Variants in LYPD6B observed in about 807,000 individuals in gnomAD.
LYPD6B encodes ly6/PLAUR domain-containing protein 6B.
A neutral mutation model predicts 22.8 loss-of-function variants in LYPD6B; 17 were observed. The observed-to-expected ratio is 0.75, with a 90% CI of 0.51 to 1.12. LYPD6B has a LOEUF of 1.12. LYPD6B is among the 50% of genes most tolerant of loss of function. LYPD6B has a pLI of 0.00. For synonymous variants in LYPD6B, 106 were observed against 91.6 expected (o/e 1.16, Z -0.90); for missense variants, 221 against 258.3 (o/e 0.86, Z 0.99).
chr2:149,087,028 C>T lies in LYPD6B; in HGVS notation c.-66-43855C>T, dbSNP rs186622363. ...AGGTATTTTTTTTTTTAAAAAAACC[C>T]TATCTCCAAATACAGTTATATTCTG... On this transcript the variant is annotated intron_variant, in intron 1 of 6. Transcript: ENST00000409642. Among the ~76,000 whole-genome samples, 442 of 151,996 alleles carry T rather than the reference C, an allele frequency of 2.9e-3. 2 individuals carry two copies. Among genetic ancestry groups the T allele is most frequent in the African/African-American group, 0.01 (427 of 41,450 alleles).
intron 1 of LYPD6B, among the ~76,000 whole-genome samples, chr2:149,040,609 T>A (rs1234053834): frequency 2.6e-5 from 4 of 152,138 alleles, no homozygotes; most frequent in African/African-American, 9.7e-5. Context: ...ACAACAGGAA[T>A]GGGCACATGA....
chr2:149,053,727 A>G (rs1040050219), intron 1 of LYPD6B, among the ~76,000 whole-genome samples: 3 of 152,080 alleles, frequency 2.0e-5, no homozygotes, highest in Admixed American at 6.5e-5. Flanking sequence ...CCCATTAACA[A>G]TTGCTTCCTG....
At chr2:149,147,390 T>C (rs1575063428) in intron 2 of LYPD6B, among the ~76,000 whole-genome samples, 1 of 152,228 alleles carries the variant, frequency 6.6e-6, no homozygotes. Context: ...TTGAAAAGCT[T>C]TGAAAGGAAT....
chr2:149,200,072 A>G (rs1372449423), intron 3 of LYPD6B, among the ~76,000 whole-genome samples: 1 of 152,100 alleles, frequency 6.6e-6, no homozygotes, highest in Non-Finnish European at 1.5e-5. Flanking sequence ...TTGAATTTCC[A>G]CTTTGCCTTC....
chr2:149,186,466 T>A (rs1290013074), intron 3 of LYPD6B, among the ~76,000 whole-genome samples: 1 of 152,072 alleles, frequency 6.6e-6, no homozygotes, highest in Non-Finnish European at 1.5e-5. Context: ...TTCATGAGGA[T>A]GAAGGAAAGA....
Position 149,212,888 on chromosome 2 carries a change from G to A in LYPD6B, c.329-104G>A, listed in dbSNP as rs573300295. 22 of 1,200,238 alleles carry A rather than the reference G, an allele frequency of 1.8e-5. 2 individuals carry two copies. The South Asian group carries it at 3.4e-4, about 19-fold the overall frequency. The allele number at this position is 1,200,238 out of a possible 1,614,324, so 74.3% of individuals were successfully genotyped here. On this transcript the variant is annotated intron_variant, in intron 5 of 6. Coordinates refer to ENST00000409642, the MANE Select transcript of LYPD6B (RefSeq NM_177964.5). ...TGCCTAAAAACCCCAGGACTGGCCTGAATTTGAGTCCTTTCTGCATTAATT... is the reference window on the plus strand; with the variant it reads ...TGCCTAAAAACCCCAGGACTGGCCTAAATTTGAGTCCTTTCTGCATTAATT...
chr2:149,107,444 G>A (rs1376632059), intron 1 of LYPD6B, among the ~76,000 whole-genome samples: 1 of 152,122 alleles, frequency 6.6e-6, no homozygotes, highest in East Asian at 1.9e-4. Flanking sequence ...AGTTGACCAC[G>A]AGTAACTGAA....
chr2:149,087,334 A>T (rs1477038893), intron 1 of LYPD6B, among the ~76,000 whole-genome samples: 1 of 152,152 alleles, frequency 6.6e-6, no homozygotes, highest in Non-Finnish European at 1.5e-5. Flanking sequence ...AAAATACCTC[A>T]TGCTCTCCTT....
chr2:149,103,720 G>A (rs1387236843), intron 1 of LYPD6B, among the ~76,000 whole-genome samples: 1 of 148,866 alleles, frequency 6.7e-6, no homozygotes, highest in African/African-American at 2.5e-5. Context: ...ATTTTGTCTG[G>A]CTTCTTTCAC....
At chr2:149,126,489 A>G (rs941358825) in intron 1 of LYPD6B, among the ~76,000 whole-genome samples, 1 of 152,208 alleles carries the variant, frequency 6.6e-6, no homozygotes, top group Non-Finnish European at 1.5e-5. Context: ...ATCATAAGGA[A>G]GAGAAAATAT....
rs575956366 is a variant in LYPD6B at position 149,202,679 on chromosome 2, G to A, written c.78-2574G>A. ...GTCAAGACCTTGTTGGGGAGTCAGCGATAACAATAACTTGTTATTTATTAG... is the reference window on the plus strand; with the variant it reads ...GTCAAGACCTTGTTGGGGAGTCAGCAATAACAATAACTTGTTATTTATTAG... On this transcript the variant is annotated intron_variant, in intron 3 of 6. Transcript: ENST00000409642. 1.1e-4 allele frequency among the ~76,000 whole-genome samples: 16 copies of A among 152,258 alleles called. 1 individual carries two copies. Among genetic ancestry groups the A allele is most frequent in the African/African-American group, 3.9e-4 (16 of 41,556 alleles).
chr2:149,125,582 C>A (rs565179832), intron 1 of LYPD6B, among the ~76,000 whole-genome samples: 2 of 152,210 alleles, frequency 1.3e-5, no homozygotes, highest in South Asian at 4.2e-4. Flanking sequence ...TGGATTAGGT[C>A]TATGATACCA....
At chr2:149,127,343 C>T (rs1315684811) in intron 1 of LYPD6B, among the ~76,000 whole-genome samples, 1 of 152,136 alleles carries the variant, frequency 6.6e-6, no homozygotes, top group Non-Finnish European at 1.5e-5. Context: ...AACTTTCCTC[C>T]AGAGAAGATT....
chr2:149,163,479 C>T (rs17593372), intron 3 of LYPD6B, among the ~76,000 whole-genome samples: 18,399 of 152,100 alleles, frequency 0.12, 1,456 homozygotes, highest in Non-Finnish European at 0.16. Context: ...CAAAGGCTAC[C>T]GGGCTTGTGT....
At chr2:149,122,197 TC>T (rs2105614740) in intron 1 of LYPD6B, among the ~76,000 whole-genome samples, 1 of 152,160 alleles carries the variant, frequency 6.6e-6, no homozygotes, top group South Asian at 2.1e-4. Context: ...AGCTGGGAGC[TC>T]CCGAAAGAGC....
rs142556922 is a variant in LYPD6B at position 149,175,023 on chromosome 2, A to ATCTCTCTCTCTC, written c.77+14216_77+14227dup. The stretch of plus-strand genomic sequence containing the variant: ...TAATACTCTGTGAATAATCTCTTTA[A>ATCTCTCTCTCTC]TCTCTCTCTCTCTCTCTCTCTCTCT... On this transcript the variant is annotated intron_variant, in intron 3 of 6. Coordinates refer to ENST00000409642, the MANE Select transcript of LYPD6B (RefSeq NM_177964.5). Among the ~76,000 whole-genome samples the ATCTCTCTCTCTC allele has an allele frequency of 4.8e-5, 6 of 125,840 alleles. No homozygotes were observed. In the South Asian group the frequency reaches 9.2e-4, roughly 19 times the overall value. The allele number at this position is 125,840 out of a possible 152,430, so 82.6% of individuals were successfully genotyped here. A position where few individuals can be genotyped will look rare whatever the true frequency, so the allele number is the denominator to read the frequency against.
chr2:149,177,573 C>T lies in LYPD6B; in HGVS notation c.77+16738C>T, dbSNP rs140068815. On this transcript the variant is annotated intron_variant, in intron 3 of 6. Coordinates refer to ENST00000409642, the MANE Select transcript of LYPD6B (RefSeq NM_177964.5). ...TACATTGATTTTTGGCTTAGAGGCC[C>T]GACATTTTGGGAGTCAACAGCAGGA... Among the ~76,000 whole-genome samples the T allele has an allele frequency of 1.3e-3, 191 of 152,224 alleles. 1 individual carries two copies. Among genetic ancestry groups the T allele is most frequent in the African/African-American group, 4.3e-3 (180 of 41,536 alleles).
intron 1 of LYPD6B, among the ~76,000 whole-genome samples, chr2:149,071,512 G>T (rs1684600219): frequency 6.6e-6 from 1 of 152,170 alleles, no homozygotes. Flanking sequence ...TCTAGGATAA[G>T]ATCTTTGCCT....
At chr2:149,087,007 A>T (rs560735362) in intron 1 of LYPD6B, among the ~76,000 whole-genome samples, 6 of 150,116 alleles carry the variant, frequency 4.0e-5, no homozygotes, top group Middle Eastern at 3.4e-3. Context: ...GTAAGAAGGT[A>T]TTTTTTTTTT....
Sources: allele counts gnomAD v4.1 joint callset (sites outside exome capture counted in the v4.1 genomes callset), GRCh38; gene constraint gnomAD v4.1.1; transcripts MANE v1.5; gene names NCBI Gene and HGNC (gene_info 2026-07-23, HGNC 2026-07-21).